Variants in MADD observed in about 807,000 individuals in gnomAD.
MADD encodes the protein MAP kinase-activating death domain protein.
A neutral mutation model predicts 176.7 loss-of-function variants in MADD; 109 were observed. That is an observed-to-expected ratio of 0.62 (90% confidence interval 0.53 to 0.72). The LOEUF (loss-of-function observed/expected upper bound fraction) is 0.72, where lower values mean the gene tolerates loss of function less well. Ranked by LOEUF, MADD falls within the 30% of genes least tolerant of loss-of-function variation. MADD has a pLI of 0.00. For synonymous variants in MADD, 771 were observed against 771.3 expected (o/e 1.00, Z 0.01); for missense variants, 1,914 against 2,045.5 (o/e 0.94, Z 1.24).
At chr11:47,284,834 C>T (rs986645069) in intron 12 of MADD, 107 bp from the exon 13 acceptor site, 4 of 1,477,030 alleles carry the variant, frequency 2.7e-6, no homozygotes, top group Non-Finnish European at 3.7e-6. Context: ...CCCACACATT[C>T]CTTAGGCTAG....
chr11:47,281,258 G>T (rs2056419299), intron 7 of MADD, among the ~76,000 whole-genome samples: 1 of 152,160 alleles, frequency 6.6e-6, no homozygotes, highest in South Asian at 2.1e-4. Flanking sequence ...AACATTTAAT[G>T]ACTATAATAA....
Position 47,282,621 on chromosome 11 carries a change from GTC to G in MADD, c.1705+7_1705+8del, listed in dbSNP as rs762212961. ...CCTTTCAGCGAATTCACAACAGTGA[GTC>G]TACCTGCCCTCTGCTCCGCTCTGCC... On this transcript the variant is annotated splice_donor_region_variant and intron_variant, in intron 9 of 32. Transcript: ENST00000402192. 6.2e-7 allele frequency: 1 copy of G among 1,613,642 alleles called. No homozygotes were observed. The highest frequency in any genetic ancestry group is 8.5e-7 in the Non-Finnish European group (1 of 1,179,580).
In MADD at chr11:47,293,974, T is replaced by G. The variant is rs142851819; in HGVS notation, c.3393T>G (p.Ser1131=). 100 of 1,613,812 alleles carry G rather than the reference T, an allele frequency of 6.2e-5. No individual in the cohort carries two copies. In the African/African-American group the frequency reaches 1.1e-3, roughly 18 times the overall value. Residue 1131 remains serine, a synonymous_variant, in exon 20 of 33, where the codon TCT becomes TCG. Transcript: ENST00000402192. Reference sequence around the variant, plus strand: ...CAGACAGTGGTGTGAGCCTGACGTCTAGTTCCCAGGTTTGTGACAACCTTG... The same window carrying G: ...CAGACAGTGGTGTGAGCCTGACGTCGAGTTCCCAGGTTTGTGACAACCTTG...
upstream of MADD, chr11:47,269,950 C>CA (rs967517587): frequency 1.3e-5 from 2 of 152,202 alleles, no homozygotes; most frequent in Non-Finnish European, 2.9e-5. Flanking sequence ...GGCGCTGGGT[C>CA]GGCCTGGCGC....
chr11:47,269,883 C>A (rs984217760), upstream of MADD: 1 of 152,138 alleles, frequency 6.6e-6, no homozygotes, highest in Non-Finnish European at 1.5e-5. Context: ...GGGTGAGAGT[C>A]TCTCTGAGCA....
At chr11:47,327,111 G>A in intron 31 of MADD, 8 of 1,119,874 alleles carry the variant, frequency 7.1e-6, no homozygotes, top group Non-Finnish European at 8.8e-6. Context: ...TGGTCAGAAA[G>A]TTTGGGACAC....
chr11:47,285,493 T>C (rs1206511970), exon 14 of MADD: 1 of 1,614,066 alleles, frequency 6.2e-7, no homozygotes, highest in Admixed American at 1.7e-5. Flanking sequence ...GACTGGCAAG[T>C]GACTCAGATG....
Position 47,311,730 on chromosome 11 carries a change from A to G in MADD, c.3979-2A>G. On this transcript the variant is annotated splice_acceptor_variant, in intron 25 of 32. Transcript: ENST00000402192. LOFTEE classifies it high-confidence loss of function. Reference sequence around the variant, plus strand: ...GTTAAGAGTCATGTGTTGGCTTTTCAGGTAAATAAGAATGACATCCGCAAG... The same window carrying G: ...GTTAAGAGTCATGTGTTGGCTTTTCGGGTAAATAAGAATGACATCCGCAAG... 1.9e-6 allele frequency: 3 copies of G among 1,594,390 alleles called. No individual in the cohort carries two copies. Among genetic ancestry groups the G allele is most frequent in the South Asian group, 1.1e-5 (1 of 90,648 alleles).
chr11:47,300,659 G>A (rs1481338834), intron 22 of MADD, among the ~76,000 whole-genome samples: 2 of 151,978 alleles, frequency 1.3e-5, no homozygotes, highest in African/African-American at 2.4e-5. Context: ...CACCATGCCT[G>A]GCTAATTTTT....
rs1438531432 is a variant in MADD, at chr11:47,285,528, C to T, written c.2489C>T (p.Ser830Phe). ...GCAGAGTCAGACTCTCGGGCAAGCT[C>T]TCCCAACTCCACCGTCTCCAACACC... The change falls in exon 14 of 33, where the codon TCT becomes TTT. Residue 830 changes from serine (S) to phenylalanine (F), a missense_variant. This residue lies in a region of MADD where 1,767 missense variants were observed against 1,836.0 expected (regional missense o/e 0.96). Coordinates refer to ENST00000402192, the Ensembl canonical transcript of MADD. 4 of 1,614,222 alleles carry T rather than the reference C, an allele frequency of 2.5e-6. 1 individual carries two copies. The South Asian group carries it at 4.4e-5, about 18-fold the overall frequency.
chr11:47,309,689 G>A, intron 25 of MADD, 77 bp downstream of exon 28: 1 of 1,136,716 alleles, frequency 8.8e-7, no homozygotes, highest in South Asian at 1.2e-5. Flanking sequence ...AAATTTCGGG[G>A]TAGCTGGGAA....
intron 27 of MADD, among the ~76,000 whole-genome samples, chr11:47,323,237 C>CAAA (rs11341336): frequency 9.2e-6 from 1 of 108,954 alleles, no homozygotes; most frequent in Non-Finnish European, 1.9e-5. Flanking sequence ...GACTCCATCT[C>CAAA]AAAAAAAAAA....
rs922267183 is a variant in MADD at position 47,276,883 on chromosome 11, C to T, written c.1095+20C>T. The T allele has an allele frequency of 3.1e-6, 5 of 1,599,102 alleles. No individual in the cohort carries two copies. Among genetic ancestry groups the T allele is most frequent in the Non-Finnish European group, 4.3e-6 (5 of 1,167,514 alleles). Reference sequence around the variant, plus strand: ...GAGCAGGTGAGTCTCAAGGCGACTTCCGGCTTTCTCACCTCTGTCTTCCTG... The same window carrying T: ...GAGCAGGTGAGTCTCAAGGCGACTTTCGGCTTTCTCACCTCTGTCTTCCTG... On this transcript the variant is annotated intron_variant, in intron 5 of 32. Coordinates refer to ENST00000402192, the Ensembl canonical transcript of MADD.
chr11:47,297,666 T>G (rs764022090), intron 22 of MADD, among the ~76,000 whole-genome samples: 6 of 151,920 alleles, frequency 3.9e-5, no homozygotes, highest in Non-Finnish European at 7.4e-5. Context: ...CAGGACGGTC[T>G]TGATCTCCTG....
chr11:47,319,864 C>T (rs1388106278), intron 27 of MADD, among the ~76,000 whole-genome samples: 5 of 151,750 alleles, frequency 3.3e-5, no homozygotes, highest in African/African-American at 4.8e-5. Context: ...GTTGGGCAGG[C>T]GCCTGCAATC....
At chr11:47,295,869 G>C (rs375329559) in intron 21 of MADD, 28 bp from the exon 24 acceptor site, 12 of 1,598,878 alleles carry the variant, frequency 7.5e-6, no homozygotes, top group African/African-American at 1.3e-5. Context: ...CCTGGGGACT[G>C]TCTCTTACTA....
intron 31 of MADD, chr11:47,327,146 C>T: frequency 9.4e-7 from 1 of 1,066,790 alleles, no homozygotes; most frequent in Non-Finnish European, 1.1e-6. Flanking sequence ...CCCCAAGCTC[C>T]ACTATGTCCA....
Position 47,290,076 on chromosome 11 carries a change from C to A in MADD, c.2943+23C>A, listed in dbSNP as rs148553329. On this transcript the variant is annotated intron_variant, in intron 17 of 32. Transcript: ENST00000402192. ...GTGGTCAGTGTTGGGGGTAGGGAAT[C>A]GGAGTAACTGGAGAGAGGGATGTGA... 20 of 1,612,536 alleles carry A rather than the reference C, an allele frequency of 1.2e-5. No homozygotes were observed. In the Admixed American group the frequency reaches 3.2e-4, roughly 26 times the overall value.
chr11:47,270,507 G>A (rs1960021940), intron 1 of MADD: 1 of 147,812 alleles, frequency 6.8e-6, no homozygotes, highest in Non-Finnish European at 1.5e-5. Flanking sequence ...CGGGGCGGGG[G>A]CGGGGGCGGG....
Sources: allele counts gnomAD v4.1 joint callset (sites outside exome capture counted in the v4.1 genomes callset), GRCh38; gene constraint gnomAD v4.1.1; regional missense constraint gnomAD v4.1.1; transcripts MANE v1.5; gene names NCBI Gene and HGNC (gene_info 2026-07-23, HGNC 2026-07-21).